The following TMPRSS9 variants were observed in gnomAD, a reference collection of about 807,000 sequenced individuals.
TMPRSS9 encodes transmembrane protease serine 9.
Under a neutral mutation model 111.4 loss-of-function variants are expected in TMPRSS9, and 113 were observed. The ratio of observed to expected loss-of-function variants is 1.01; its 90% CI spans 0.87 to 1.19. The LOEUF (loss-of-function observed/expected upper bound fraction) is 1.19. TMPRSS9 is among the 50% of genes most tolerant of loss of function. The pLI is 0.00. For synonymous variants in TMPRSS9, 805 were observed against 659.1 expected (o/e 1.22, Z -3.39); for missense variants, 1,803 against 1,513.1 (o/e 1.19, Z -3.18).
At position 2,413,777 on chromosome 19, in the gene TMPRSS9, C is replaced by G. The variant is rs10153477; in HGVS notation, c.1332C>G (p.Ile444Met). 9.9e-6 allele frequency: 16 copies of G among 1,613,752 alleles called. No homozygotes were observed. In the Admixed American group the frequency reaches 2.5e-4, roughly 25 times the overall value. The stretch of plus-strand genomic sequence containing the variant: ...TGGCTGGCATCGTGAGCTGGGGAAT[C>G]GGGTGTGCGGAAGCCCGGCGTCCAG... The change falls in exon 10 of 18, where the codon ATC (isoleucine) becomes ATG (methionine). Residue 444 changes from isoleucine to methionine, a missense_variant. Coordinates refer to ENST00000648592, the Ensembl canonical transcript of TMPRSS9.
At chr19:2,379,044 G>A (rs183403834) in intron 1 of TMPRSS9, among the ~76,000 whole-genome samples, 2 of 152,254 alleles carry the variant, frequency 1.3e-5, no homozygotes, top group East Asian at 3.9e-4. Context: ...TGAGATTTGG[G>A]TGGGGACACA....
chr19:2,424,884 G>A, intron 15 of TMPRSS9, 118 bp from the exon 17 acceptor site: 2 of 1,269,482 alleles, frequency 1.6e-6, no homozygotes, highest in Non-Finnish European at 1.0e-6. Flanking sequence ...CCGACAGCCA[G>A]AGACCAAGAG....
intron 7 of TMPRSS9, among the ~76,000 whole-genome samples, chr19:2,407,948 T>C (rs1971006058): frequency 1.3e-5 from 2 of 151,944 alleles, no homozygotes; most frequent in South Asian, 4.2e-4. Context: ...TATGCCCGGC[T>C]AATTTTTGTA....
chr19:2,386,475 A>T (rs1289825078), upstream of TMPRSS9, among the ~76,000 whole-genome samples: 2 of 150,684 alleles, frequency 1.3e-5, no homozygotes, highest in East Asian at 4.0e-4. Context: ...ACTGGACTCC[A>T]GCCTGGGTGA....
At chr19:2,395,793 G>T (rs186196856) in intron 1 of TMPRSS9, among the ~76,000 whole-genome samples, 2 of 152,244 alleles carry the variant, frequency 1.3e-5, no homozygotes, top group Non-Finnish European at 2.9e-5. Context: ...GGATCACGAG[G>T]TCAGGAGATA....
chr19:2,424,478 TG>T (rs1971551297), intron 15 of TMPRSS9, among the ~76,000 whole-genome samples: 1 of 141,974 alleles, frequency 7.0e-6, no homozygotes, highest in Non-Finnish European at 1.5e-5. Flanking sequence ...CACACGGGGC[TG>T]GGGCTGCGAA....
upstream of TMPRSS9, among the ~76,000 whole-genome samples, chr19:2,389,456 G>A (rs1970540538): frequency 6.9e-6 from 1 of 145,002 alleles, no homozygotes. Flanking sequence ...TGCAGCCTCC[G>A]CCTCCCGGGT....
rs1254599202 is a variant in TMPRSS9 at position 2,413,935 on chromosome 19, G to A, written c.1490G>A (p.Ser497Asn). 4 of 1,612,236 alleles carry A rather than the reference G, an allele frequency of 2.5e-6. No homozygotes were observed. In the African/African-American group the frequency reaches 5.3e-5, roughly 22 times the overall value. Reference sequence around the variant, plus strand: ...ACAGCCTGGCCCACCAGTCCTGAGAGCCCTGTGGTCAGCACCCCCACCAAA... The same window carrying A: ...ACAGCCTGGCCCACCAGTCCTGAGAACCCTGTGGTCAGCACCCCCACCAAA... Residue 497 changes from serine to asparagine, a missense_variant, in exon 10 of 18, where the codon AGC becomes AAC. By Grantham distance (46) the Ser-to-Asn change is conservative. Transcript: ENST00000648592.
upstream of TMPRSS9, among the ~76,000 whole-genome samples, chr19:2,385,272 C>T (rs922731703): frequency 6.6e-6 from 1 of 151,760 alleles, no homozygotes; most frequent in Admixed American, 6.6e-5. Flanking sequence ...CCCAGTGCTC[C>T]CGGTGGAGTC....
At chr19:2,405,651 A>T in intron 7 of TMPRSS9, 106 bp downstream of exon 8, 1 of 1,207,018 alleles carries the variant, frequency 8.3e-7, no homozygotes, top group South Asian at 2.2e-5. Flanking sequence ...CCCTGGAAGT[A>T]ATTTTTTCTT....
intron 1 of TMPRSS9, among the ~76,000 whole-genome samples, chr19:2,378,238 G>C (rs1970354892): frequency 6.6e-6 from 1 of 152,088 alleles, no homozygotes; most frequent in Non-Finnish European, 1.5e-5. Flanking sequence ...GACAAAAATA[G>C]ACTCAGACAA....
intron 1 of TMPRSS9, among the ~76,000 whole-genome samples, chr19:2,369,074 C>G (rs920439409): frequency 6.6e-6 from 1 of 151,756 alleles, no homozygotes; most frequent in Non-Finnish European, 1.5e-5. Context: ...GCCTCAGCCT[C>G]CAGAGTAACT....
chr19:2,368,188 G>A (rs138469455), intron 1 of TMPRSS9, among the ~76,000 whole-genome samples: 5 of 152,238 alleles, frequency 3.3e-5, no homozygotes, highest in Non-Finnish European at 7.3e-5. Flanking sequence ...TGCACATGGC[G>A]GCTGCGTTTT....
chr19:2,417,028 A>C (rs1971255724), intron 12 of TMPRSS9, among the ~76,000 whole-genome samples: 1 of 152,188 alleles, frequency 6.6e-6, no homozygotes, highest in African/African-American at 2.4e-5. Context: ...TGTATAAACA[A>C]AGTTTTATTG....
chr19:2,408,539 C>G lies in TMPRSS9; in HGVS notation c.1026C>G (p.Ile342Met), dbSNP rs777063212. The G allele has an allele frequency of 1.9e-6, 3 of 1,613,748 alleles. No individual in the cohort carries two copies. In the Admixed American group the frequency reaches 5.0e-5, roughly 27 times the overall value. Residue 342 changes from isoleucine to methionine, a missense_variant, in exon 8 of 18, where the codon ATC becomes ATG. Transcript: ENST00000648592. ...GCCCTCTGCCTTTCGGCCGGCACAT[C>G]CAGCCCGTGTGCCTCCCGGCTGCCA...
At chr19:2,399,327 C>T (rs10412742) in intron 4 of TMPRSS9, 134 bp downstream of exon 5, 477,854 of 1,207,722 alleles carry the variant, frequency 0.4, 100,262 homozygotes, top group African/African-American at 0.67. Context: ...CTCATGCCTG[C>T]AACCCCAGCA....
rs545788166 is a variant in TMPRSS9, at chr19:2,412,579, T to C, written c.1255-1121T>C. Among the ~76,000 whole-genome samples the C allele has an allele frequency of 5.3e-5, 8 of 152,288 alleles. 1 individual carries two copies. The highest frequency in any genetic ancestry group is 1.9e-4 in the African/African-American group (8 of 41,570). ...TCCTTTGTGGTTGCCCAAATCCCTT[T>C]TCTACCCCAACCAACCCAGGTCCTC... On this transcript the variant is annotated intron_variant, in intron 9 of 17. Transcript: ENST00000648592.
chr19:2,361,360 TCTGGGGTGGGAGGGGGGG>T (rs1456739409), intron 1 of TMPRSS9, among the ~76,000 whole-genome samples: 95 of 8,546 alleles, frequency 0.011, no homozygotes, highest in Non-Finnish European at 0.015. Flanking sequence ...GGGAGGTGAG[TCTGGGGTGGGAGGGGGGG>T]CTGGGGTGGG....
At chr19:2,388,662 C>A (rs749631566), upstream of TMPRSS9, among the ~76,000 whole-genome samples, 4 of 152,106 alleles carry the variant, frequency 2.6e-5, no homozygotes, top group Non-Finnish European at 4.4e-5. Context: ...GCTCTGTCAC[C>A]CAGGCTGGAG....
Sources: gnomAD v4.1 joint callset for allele counts (sites outside exome capture counted in the v4.1 genomes callset) on GRCh38, gnomAD v4.1.1 for gene constraint, MANE v1.5 for transcripts, NCBI Gene and HGNC (gene_info 2026-07-23, HGNC 2026-07-21) for gene names.